The following MMACHC variants were observed in gnomAD, a reference collection of about 807,000 sequenced individuals.
The protein encoded by MMACHC is cyanocobalamin reductase / alkylcobalamin dealkylase.
Under a neutral mutation model 17.6 loss-of-function variants are expected in MMACHC, and 14 were observed. The ratio of observed to expected loss-of-function variants is 0.80; its 90% confidence interval spans 0.53 to 1.25. MMACHC has a LOEUF of 1.25. Ranked by LOEUF, MMACHC falls within the 50% of genes most tolerant of loss-of-function variation. The pLI is 0.00. For missense variants in MMACHC, 392 were observed against 364.5 expected (o/e 1.08, Z -0.62); for synonymous variants, 151 against 142.1 (o/e 1.06, Z -0.45).
intron 1 of MMACHC, among the ~76,000 whole-genome samples, chr1:45,504,751 G>A (rs2149322392): frequency 6.6e-6 from 1 of 152,162 alleles, no homozygotes; most frequent in African/African-American, 2.4e-5. Flanking sequence ...AACCCCTGAT[G>A]GGCTCAAGTC....
intron 1 of MMACHC, among the ~76,000 whole-genome samples, chr1:45,502,318 G>A (rs188362198): frequency 2.0e-4 from 30 of 151,946 alleles, no homozygotes; most frequent in African/African-American, 4.8e-5. Flanking sequence ...CCTCCCGGCC[G>A]GAGTGCAGTG....
chr1:45,507,572 C>G, intron 2 of MMACHC, 22 bp downstream of exon 2: 2 of 1,613,562 alleles, frequency 1.2e-6, no homozygotes, highest in Admixed American at 1.7e-5. Flanking sequence ...TCAGTTTTCC[C>G]CCAGCTCCCA....
At chr1:45,502,775 G>C (rs1339687247) in intron 1 of MMACHC, among the ~76,000 whole-genome samples, 1 of 150,860 alleles carries the variant, frequency 6.6e-6, no homozygotes, top group East Asian at 2.0e-4. Context: ...TGCGATCTCA[G>C]CTCACCACAA....
intron 1 of MMACHC, among the ~76,000 whole-genome samples, chr1:45,505,201 C>T (rs547727616): frequency 2.7e-4 from 41 of 149,984 alleles, no homozygotes; most frequent in African/African-American, 1.0e-3. Context: ...GTAATCCCAA[C>T]ACTTTGGGAG....
rs142029431 is a variant in MMACHC at position 45,505,601 on chromosome 1, A to G, written c.82-1755A>G. On this transcript the variant is annotated intron_variant, in intron 1 of 3. Transcript: ENST00000401061. Reference sequence around the variant, plus strand: ...GAGCCACCGCGCCGAGCCTAAAAACAGTATTTTAAGAAACTGCCTGGGCTG... The same window carrying G: ...GAGCCACCGCGCCGAGCCTAAAAACGGTATTTTAAGAAACTGCCTGGGCTG... 3.0e-4 allele frequency among the ~76,000 whole-genome samples: 45 copies of G among 151,454 alleles called. 1 individual carries two copies. In the Middle Eastern group the frequency reaches 0.035, roughly 117 times the overall value.
rs906476625 is a variant in MMACHC at position 45,513,258 on chromosome 1, G to A, written c.*4043G>A. The A allele has an allele frequency of 7.9e-5, 12 of 152,266 alleles. No homozygotes were observed. The highest frequency in any genetic ancestry group is 2.4e-4 in the African/African-American group (10 of 41,554). The allele number at this position is 152,266 out of a possible 1,614,324, so 9.4% of individuals were successfully genotyped here. A position where few individuals can be genotyped will look rare whatever the true frequency, so the allele number is the denominator to read the frequency against. On this transcript the variant is annotated 3_prime_UTR_variant, in exon 4 of 4. Transcript: ENST00000401061. The stretch of plus-strand genomic sequence containing the variant: ...AGGTGATTCCCAACCATTTTGTTTT[G>A]CCCTAATACATCTGTGAGATCATCC...
At chr1:45,507,638 T>C in intron 2 of MMACHC, 88 bp downstream of exon 2, 1 of 1,423,270 alleles carries the variant, frequency 7.0e-7, no homozygotes, top group South Asian at 1.2e-5. Flanking sequence ...GACCTAGGGC[T>C]AGGAGCCACT....
At chr1:45,507,684 C>A in intron 2 of MMACHC, 134 bp downstream of exon 2, 1 of 1,050,748 alleles carries the variant, frequency 9.5e-7, no homozygotes, top group South Asian at 1.4e-5. Flanking sequence ...CCAGGCTTGA[C>A]ATTCTGTGAT....
At chr1:45,506,930 G>A (rs1024808175) in intron 1 of MMACHC, among the ~76,000 whole-genome samples, 2 of 151,960 alleles carry the variant, frequency 1.3e-5, no homozygotes, top group Non-Finnish European at 2.9e-5. Flanking sequence ...TTGGAAGGCC[G>A]AGGCAGGTGG....
Position 45,513,156 on chromosome 1 carries a change from AAAT to A in MMACHC, c.*3944_*3946del, listed in dbSNP as rs1643787972. ...TCCATCTTGCAAAAAATAAATAAATAAATAAAAATATGAACTATATGGATTAAC... is the reference window on the plus strand; with the variant it reads ...TCCATCTTGCAAAAAATAAATAAATAAAAAATATGAACTATATGGATTAAC... On this transcript the variant is annotated 3_prime_UTR_variant, in exon 4 of 4. Transcript: ENST00000401061. 1 of 152,266 alleles carries A rather than the reference AAAT, an allele frequency of 6.6e-6. No individual in the cohort carries two copies. The highest frequency in any genetic ancestry group is 1.9e-4 in the East Asian group (1 of 5,178). 9.4% of individuals were successfully genotyped at this position (152,266 alleles called of 1,614,324 possible).
chr1:45,509,987 G>A lies in MMACHC; in HGVS notation c.*772G>A, dbSNP rs1215968308. 1 of 150,952 alleles carries A rather than the reference G, an allele frequency of 6.6e-6. No individual in the cohort carries two copies. Among genetic ancestry groups the A allele is most frequent in the Non-Finnish European group, 1.5e-5 (1 of 67,992 alleles). The allele number at this position is 150,952 out of a possible 1,614,324, so 9.4% of individuals were successfully genotyped here. ...AGCTACTCAGGAGGCTGAGGCAGTA[G>A]AATCATTTGAACCAGGGAGGCAGAG... On this transcript the variant is annotated 3_prime_UTR_variant, in exon 4 of 4. Coordinates refer to ENST00000401061, the MANE Select transcript of MMACHC (RefSeq NM_015506.3).
Position 45,511,466 on chromosome 1 carries a change from C to T in MMACHC, c.*2251C>T, listed in dbSNP as rs1643743651. 1.3e-6 allele frequency: 2 copies of T among 1,484,342 alleles called. No homozygotes were observed. Among genetic ancestry groups the T allele is most frequent in the Admixed American group, 3.6e-5 (2 of 55,398 alleles). The allele number at this position is 1,484,342 out of a possible 1,614,324, so 91.9% of individuals were successfully genotyped here. ...ATAACCTTCTCAATGGTATGCACCA[C>T]CATTCTCCTATGGACAAAACCAGTT... On this transcript the variant is annotated 3_prime_UTR_variant, in exon 4 of 4. Transcript: ENST00000401061.
At position 45,500,839 on chromosome 1, in the gene MMACHC, G is replaced by A. The variant is rs537555580; in HGVS notation, c.81+426G>A. Among the ~76,000 whole-genome samples the A allele has an allele frequency of 3.0e-4, 40 of 132,334 alleles. 1 individual carries two copies. The Middle Eastern group carries it at 0.041, about 135-fold the overall frequency. 86.8% of individuals were successfully genotyped at this position (132,334 alleles called of 152,430 possible). On this transcript the variant is annotated intron_variant, in intron 1 of 3. Coordinates refer to ENST00000401061, the MANE Select transcript of MMACHC (RefSeq NM_015506.3). Reference sequence around the variant, plus strand: ...AGATTGCGCCATTGCAGTCCAGCCTGAGCAACAAAGAGCGAAACTCCGTGT... The same window carrying A: ...AGATTGCGCCATTGCAGTCCAGCCTAAGCAACAAAGAGCGAAACTCCGTGT...
At position 45,511,368 on chromosome 1, in the gene MMACHC, A is replaced by C; in HGVS notation, c.*2153A>C. 6.2e-7 allele frequency: 1 copy of C among 1,613,294 alleles called. No homozygotes were observed. The highest frequency in any genetic ancestry group is 8.5e-7 in the Non-Finnish European group (1 of 1,179,714). ...AGAAATATTCTTTGCTCTTTTGGACATCAGGCTTGATGGTATCACTGCCAG... is the reference window on the plus strand; with the variant it reads ...AGAAATATTCTTTGCTCTTTTGGACCTCAGGCTTGATGGTATCACTGCCAG... On this transcript the variant is annotated 3_prime_UTR_variant, in exon 4 of 4. Transcript: ENST00000401061.
intron 1 of MMACHC, among the ~76,000 whole-genome samples, chr1:45,505,377 G>A (rs549942575): frequency 6.6e-6 from 1 of 152,078 alleles, no homozygotes; most frequent in Non-Finnish European, 1.5e-5. Context: ...GAACCCGGGA[G>A]GTGGAGATTG....
In MMACHC at chr1:45,511,522, C is replaced by G. The variant is rs1436310045; in HGVS notation, c.*2307C>G. 3.7e-6 allele frequency: 3 copies of G among 812,950 alleles called. No homozygotes were observed. Among genetic ancestry groups the G allele is most frequent in the Non-Finnish European group, 5.9e-6 (3 of 507,156 alleles). The allele number at this position is 812,950 out of a possible 1,614,324, so 50.4% of individuals were successfully genotyped here. On this transcript the variant is annotated 3_prime_UTR_variant, in exon 4 of 4. Transcript: ENST00000401061. ...CCTGAACACTCAGATACCAGGAAACCTACCCCTGCAATCAGTCTTAGATCA... is the reference window on the plus strand; with the variant it reads ...CCTGAACACTCAGATACCAGGAAACGTACCCCTGCAATCAGTCTTAGATCA...
In MMACHC at chr1:45,512,245, C is replaced by G. The variant is rs1643766334; in HGVS notation, c.*3030C>G. On this transcript the variant is annotated 3_prime_UTR_variant, in exon 4 of 4. Transcript: ENST00000401061. ...GGATTACAGGCGCCCACCACCACAC[C>G]TGGCTAATTTTTGAGACAGTCTCAC... 1.3e-5 allele frequency: 2 copies of G among 151,230 alleles called. No individual in the cohort carries two copies. Among genetic ancestry groups the G allele is most frequent in the African/African-American group, 4.8e-5 (2 of 41,262 alleles). 9.4% of individuals were successfully genotyped at this position (151,230 alleles called of 1,614,324 possible).
intron 1 of MMACHC, among the ~76,000 whole-genome samples, chr1:45,504,193 T>A (rs1643584823): frequency 6.6e-6 from 1 of 152,014 alleles, no homozygotes; most frequent in South Asian, 2.1e-4. Context: ...GGCGGGTGGA[T>A]CATCTGAGGT....
At chr1:45,506,211 G>C (rs921977900) in intron 1 of MMACHC, among the ~76,000 whole-genome samples, 1 of 152,178 alleles carries the variant, frequency 6.6e-6, no homozygotes, top group Non-Finnish European at 1.5e-5. Flanking sequence ...GAGGGTTCAG[G>C]TGGCTTTCTC....
Sources: allele counts gnomAD v4.1 joint callset (sites outside exome capture counted in the v4.1 genomes callset), GRCh38; gene constraint gnomAD v4.1.1; transcripts MANE v1.5; gene names NCBI Gene and HGNC (gene_info 2026-07-23, HGNC 2026-07-21).